ADGRD1: variants seen among roughly 807,000 people sequenced by gnomAD.
The protein encoded by ADGRD1 is adhesion G protein-coupled receptor D1.
In ADGRD1, 77 loss-of-function variants were observed where a neutral mutation model predicts 113.4. The ratio of observed to expected loss-of-function variants is 0.68; its 90% CI spans 0.57 to 0.82. The LOEUF is 0.82. ADGRD1 is among the 40% of genes least tolerant of loss of function. ADGRD1 has a pLI of 0.00. For missense variants in ADGRD1, 1,036 were observed against 1,139.1 expected, an observed-to-expected ratio of 0.91 and a Z score of 1.30; for synonymous variants, 474 against 475.0, an observed-to-expected ratio of 1.00 and a Z score of 0.03.
chr12:131,105,951 C>T (rs887396094), intron 17 of ADGRD1, 86 bp downstream of exon 17: 2 of 964,634 alleles, frequency 2.1e-6, no homozygotes, highest in East Asian at 5.2e-5. Context: ...CTAGCTTTTT[C>T]AACTCAAATT....
intron 2 of ADGRD1, among the ~76,000 whole-genome samples, chr12:130,960,241 C>T (rs1334108811): frequency 1.3e-5 from 2 of 152,180 alleles, no homozygotes; most frequent in African/African-American, 2.4e-5. Context: ...TCCTGGGGCA[C>T]ATGGCACAGC....
rs532608803 is a variant in ADGRD1 at position 131,096,634 on chromosome 12, C to T, written c.1672-8197C>T. ...GTGGGGCACTGCTGGTCCAGGTTTA[C>T]ATCCCGCCTCCATCTGTGAGGATGG... On this transcript the variant is annotated intron_variant, in intron 15 of 24. Transcript: ENST00000261654. The surrounding 1 kb of genome is among the most constrained non-coding windows in gnomAD (Gnocchi z 5.2). Among the ~76,000 whole-genome samples the T allele has an allele frequency of 1.3e-5, 2 of 151,608 alleles. No individual in the cohort carries two copies. Among genetic ancestry groups the T allele is most frequent in the South Asian group, 2.1e-4 (1 of 4,720 alleles).
At position 130,954,086 on chromosome 12, in the gene ADGRD1, G is replaced by A. The variant is rs1869222069; in HGVS notation, c.-380G>A. Reference sequence around the variant, plus strand: ...CCAAACCTGACTGAGACAAACGGAGGCTCTTGAAATAAAAAGAAAATACCG... The same window carrying A: ...CCAAACCTGACTGAGACAAACGGAGACTCTTGAAATAAAAAGAAAATACCG... On this transcript the variant is annotated 5_prime_UTR_variant, in exon 1 of 25. Coordinates refer to ENST00000261654, the MANE Select transcript of ADGRD1 (RefSeq NM_198827.5). The surrounding 1 kb of genome is among the most constrained non-coding windows in gnomAD (Gnocchi z 4.7). 1 of 188,894 alleles carries A rather than the reference G, an allele frequency of 5.3e-6. No homozygotes were observed. The highest frequency in any genetic ancestry group is 2.3e-5 in the African/African-American group (1 of 42,964). The allele number at this position is 188,894 out of a possible 1,614,324, so 11.7% of individuals were successfully genotyped here. A position where few individuals can be genotyped will look rare whatever the true frequency, so the allele number is the denominator to read the frequency against.
At chr12:131,002,445 A>C (rs780877097) in intron 9 of ADGRD1, 134 of 872,516 alleles carry the variant, frequency 1.5e-4, no homozygotes, top group Non-Finnish European at 1.8e-4. Flanking sequence ...GCTCTTCTGA[A>C]GTGCGTGTTT....
intron 4 of ADGRD1, among the ~76,000 whole-genome samples, chr12:130,975,171 A>G (rs1872158599): frequency 6.6e-6 from 1 of 152,082 alleles, no homozygotes; most frequent in Non-Finnish European, 1.5e-5. Context: ...TCTTTCACCT[A>G]CCTGGAGACC....
At chr12:131,119,901 T>C (rs1950551950) in intron 19 of ADGRD1, among the ~76,000 whole-genome samples, 1 of 152,128 alleles carries the variant, frequency 6.6e-6, no homozygotes, top group Non-Finnish European at 1.5e-5. Flanking sequence ...TCCGGGAGGC[T>C]TTGGGGAGGA....
chr12:130,995,833 A>G (rs1000178746), intron 8 of ADGRD1, among the ~76,000 whole-genome samples: 3 of 151,554 alleles, frequency 2.0e-5, no homozygotes, highest in Non-Finnish European at 4.4e-5. Context: ...GGGTCATAGG[A>G]CAATAGTGGA....
At chr12:131,079,598 T>G (rs1885909749) in intron 14 of ADGRD1, among the ~76,000 whole-genome samples, 1 of 152,244 alleles carries the variant, frequency 6.6e-6, no homozygotes, top group South Asian at 2.1e-4. Flanking sequence ...TGAAGTCACC[T>G]GAGCCTTCAT....
chr12:131,023,654 A>T (rs956998867), intron 13 of ADGRD1: 1 of 152,108 alleles, frequency 6.6e-6, no homozygotes, highest in Non-Finnish European at 1.5e-5. Flanking sequence ...GCAGAGCCCC[A>T]CTGTGTGGGT....
rs982180980 is a variant in ADGRD1 at position 130,971,635 on chromosome 12, C to T, written c.310+55C>T. On this transcript the variant is annotated intron_variant, in intron 4 of 24. Transcript: ENST00000261654. The surrounding 1 kb of genome is among the most constrained non-coding windows in gnomAD (Gnocchi z 4.2). ...TCAAGCATTTCATTCTCAGGGAGCA[C>T]CTGCTCCTCTGGTGACTGGAAGATG... 32 of 1,549,524 alleles carry T rather than the reference C, an allele frequency of 2.1e-5. No homozygotes were observed. In the Admixed American group the frequency reaches 4.9e-4, roughly 24 times the overall value.
intron 9 of ADGRD1, among the ~76,000 whole-genome samples, chr12:131,001,286 A>G (rs908776341): frequency 3.9e-4 from 60 of 152,234 alleles, no homozygotes; most frequent in Non-Finnish European, 1.2e-4. Context: ...TATTTCTGAA[A>G]ATAACTTGAT....
chr12:131,003,139 T>C lies in ADGRD1; in HGVS notation c.1027-46T>C. 1 of 1,460,140 alleles carries C rather than the reference T, an allele frequency of 6.8e-7. No individual in the cohort carries two copies. Among genetic ancestry groups the C allele is most frequent in the East Asian group, 2.3e-5 (1 of 44,002 alleles). The allele number at this position is 1,460,140 out of a possible 1,614,324, so 90.4% of individuals were successfully genotyped here. ...TGGTGCACCTGCCTGGTGCCCTGGC[T>C]GAGTGGGGTGGATTTTCATGGCTCC... On this transcript the variant is annotated intron_variant, in intron 9 of 24. Transcript: ENST00000261654. This position sits in a 1 kb window ranked among gnomAD's most constrained non-coding sequence, Gnocchi z 4.8.
chr12:131,044,066 A>G (rs1166041341), intron 13 of ADGRD1, among the ~76,000 whole-genome samples: 1 of 152,198 alleles, frequency 6.6e-6, no homozygotes, highest in African/African-American at 2.4e-5. Context: ...TAGGAACTCC[A>G]TCAACAAGAA....
chr12:131,014,210 C>A lies in ADGRD1; in HGVS notation c.1343C>A (p.Ala448Asp), dbSNP rs200173874. 1.9e-6 allele frequency: 3 copies of A among 1,613,942 alleles called. No individual in the cohort carries two copies. The East Asian group carries it at 6.7e-5, about 36-fold the overall frequency. The change falls in exon 13 of 25, where the codon GCC (alanine) becomes GAC (aspartate). Residue 448 changes from alanine to aspartate, a missense_variant. By Grantham distance (126) the Ala-to-Asp change is moderately radical. Coordinates refer to ENST00000261654, the MANE Select transcript of ADGRD1 (RefSeq NM_198827.5). ...IWPAHTKIAE[A>D]MHHQDCLLFA... is the part of the protein sequence containing the mutation. The stretch of plus-strand genomic sequence containing the variant: ...CGTCTCTTCCCAAGGATCGCGGAGG[C>A]CATGCATCACCAGGACTGCCTGCTG...
intron 13 of ADGRD1, among the ~76,000 whole-genome samples, chr12:131,046,800 T>C (rs1370089755): frequency 9.3e-6 from 1 of 107,976 alleles, no homozygotes. Context: ...CTGGTCAGTG[T>C]CCTCCCTGGG....
At chr12:130,970,596 A>T (rs1871501708) in intron 3 of ADGRD1, 1 of 152,218 alleles carries the variant, frequency 6.6e-6, no homozygotes, top group Admixed American at 6.5e-5. Flanking sequence ...GGGCTCAGAC[A>T]TTCTCCCTGA....
In ADGRD1 at chr12:131,080,466, A is replaced by C. The variant is rs4759840; in HGVS notation, c.1547+3592A>C. Among the ~76,000 whole-genome samples the C allele has an allele frequency of 1.0e-3, 158 of 152,314 alleles. 1 individual carries two copies. The highest frequency in any genetic ancestry group is 0.01 in the East Asian group (52 of 5,186). The stretch of plus-strand genomic sequence containing the variant: ...ATATTCTTGGTGGAGTGTTCTATAA[A>C]TGTCAATTACACCAAGTCGATTGAT... On this transcript the variant is annotated intron_variant, in intron 14 of 24. Transcript: ENST00000261654.
intron 13 of ADGRD1, among the ~76,000 whole-genome samples, chr12:131,047,706 T>C (rs1238415245): frequency 6.6e-6 from 1 of 152,200 alleles, no homozygotes; most frequent in East Asian, 1.9e-4. Flanking sequence ...TGTGCGTGGC[T>C]CTGGGGGTTG....
At chr12:131,002,434 G>A in intron 9 of ADGRD1, 1 of 799,422 alleles carries the variant, frequency 1.3e-6, no homozygotes. Flanking sequence ...CAGCTCATGA[G>A]GCTCTTCTGA....
Sources: allele counts gnomAD v4.1 joint callset (sites outside exome capture counted in the v4.1 genomes callset), GRCh38; gene constraint gnomAD v4.1.1; non-coding constraint Gnocchi (gnomAD v3.1); transcripts MANE v1.5; gene names NCBI Gene and HGNC (gene_info 2026-07-23, HGNC 2026-07-21).